Variants in EDRF1 observed in about 807,000 individuals in gnomAD.
EDRF1 encodes erythroid differentiation-related factor 1.
A neutral mutation model predicts 148.7 loss-of-function variants in EDRF1; 69 were observed. That is an observed-to-expected ratio of 0.46 (90% confidence interval 0.38 to 0.57). The LOEUF is 0.57. Ranked by LOEUF, EDRF1 falls within the 20% of genes least tolerant of loss-of-function variation. EDRF1 has a pLI of 0.00. For synonymous variants in EDRF1, 515 were observed against 532.8 expected, an observed-to-expected ratio of 0.97 and a Z score of 0.46; for missense variants, 1,118 against 1,478.7, an observed-to-expected ratio of 0.76 and a Z score of 4.00.
chr10:125,753,959 C>CAAAA, intron 24 of EDRF1, 114 bp downstream of exon 24: 1 of 1,154,266 alleles, frequency 8.7e-7, no homozygotes, highest in African/African-American at 1.5e-5. Flanking sequence ...CTCACACCTG[C>CAAAA]AATCCCAGCA....
intron 1 of EDRF1, 66 bp downstream of exon 1, chr10:125,719,981 G>T (rs1020411684): frequency 1.2e-4 from 175 of 1,437,736 alleles, no homozygotes; most frequent in Non-Finnish European, 3.3e-5. Flanking sequence ...CACCGGGGAG[G>T]GATGCCACGG....
At position 125,747,310 on chromosome 10, in the gene EDRF1, C is replaced by T. The variant is rs982306026; in HGVS notation, c.2815-226C>T. On this transcript the variant is annotated intron_variant, in intron 19 of 24. Transcript: ENST00000356792. ...AGCAGCACGGATTGGCTTCTTGTAG[C>T]CTTGAGATGGGAACACAGAGTGGTC... 3.7e-5 allele frequency: 21 copies of T among 562,526 alleles called. 1 individual carries two copies. In the African/African-American group the frequency reaches 3.8e-4, roughly 10 times the overall value. 34.8% of individuals were successfully genotyped at this position (562,526 alleles called of 1,614,324 possible). A position where few individuals can be genotyped will look rare whatever the true frequency, so the allele number is the denominator to read the frequency against.
Position 125,729,310 on chromosome 10 carries a change from A to G in EDRF1, c.895-48A>G, listed in dbSNP as rs751910541. 18 of 1,604,854 alleles carry G rather than the reference A, an allele frequency of 1.1e-5. No homozygotes were observed. The Admixed American group carries it at 2.0e-4, about 18-fold the overall frequency. The stretch of plus-strand genomic sequence containing the variant: ...AGTCTTTTTATGGATCATGGGGGGA[A>G]ATTACAGATTGACTGTTTATTATAA... On this transcript the variant is annotated intron_variant, in intron 7 of 24. Coordinates refer to ENST00000356792, the MANE Select transcript of EDRF1 (RefSeq NM_001202438.2).
At chr10:125,723,301 A>G (rs1300620098) in intron 3 of EDRF1, among the ~76,000 whole-genome samples, 167 bp downstream of exon 3, 1 of 152,196 alleles carries the variant, frequency 6.6e-6, no homozygotes, top group Non-Finnish European at 1.5e-5. Flanking sequence ...TTAAAGTATC[A>G]TTGTTTACCA....
Position 125,725,824 on chromosome 10 carries a change from A to G in EDRF1, c.778A>G (p.Ser260Gly). ...GCCTTCTTCAGTTTCTGAAGATCCC[A>G]GTGCTTCCAGTCAGGTTAGTACTTA... ...EMPSSVSEDP[S>G]ASSQGSEPLE... Residue 260 changes from serine (S) to glycine (G), a missense_variant, in exon 6 of 25, where the codon AGT becomes GGT. By Grantham distance (56) the Ser-to-Gly change is moderately conservative (BLOSUM62 0). Transcript: ENST00000356792. 5 of 1,613,628 alleles carry G rather than the reference A, an allele frequency of 3.1e-6. No individual in the cohort carries two copies. The highest frequency in any genetic ancestry group is 4.2e-6 in the Non-Finnish European group (5 of 1,179,988).
chr10:125,752,869 C>T lies in EDRF1; in HGVS notation c.3348C>T (p.His1116=), dbSNP rs762626602. The T allele has an allele frequency of 1.4e-5, 23 of 1,613,838 alleles. No individual in the cohort carries two copies. The highest frequency in any genetic ancestry group is 1.5e-5 in the Non-Finnish European group (18 of 1,179,962). The part of the protein sequence containing the change: ...GALDIMVRTE[H]AFQLIQKELI... Reference sequence around the variant, plus strand: ...TTGATATAATGGTGAGAACTGAGCACGCATTCCAGCTTATCCAGAAGGAGC... The same window carrying T: ...TTGATATAATGGTGAGAACTGAGCATGCATTCCAGCTTATCCAGAAGGAGC... Residue 1116 remains histidine (H), a synonymous_variant, in exon 23 of 25, where the codon CAC becomes CAT. Transcript: ENST00000356792.
At chr10:125,758,863 C>G (rs1850052980) in intron 24 of EDRF1, among the ~76,000 whole-genome samples, 1 of 152,162 alleles carries the variant, frequency 6.6e-6, no homozygotes, top group Non-Finnish European at 1.5e-5. Context: ...GTCCCTGAGT[C>G]TCAGGACTGT....
intron 6 of EDRF1, among the ~76,000 whole-genome samples, chr10:125,726,736 AATTT>A (rs1254202117): frequency 6.6e-6 from 1 of 152,242 alleles, no homozygotes; most frequent in Non-Finnish European, 1.5e-5. Flanking sequence ...AATGAATTTA[AATTT>A]CTTTCAAAAG....
chr10:125,725,088 G>A (rs547718859), intron 4 of EDRF1, among the ~76,000 whole-genome samples: 19 of 152,266 alleles, frequency 1.2e-4, no homozygotes, highest in Admixed American at 1.2e-3. Context: ...ATGTTATAGA[G>A]AAGACTCACC....
chr10:125,761,800 A>G (rs1366088310), intron 24 of EDRF1, among the ~76,000 whole-genome samples: 1 of 152,350 alleles, frequency 6.6e-6, no homozygotes, highest in East Asian at 1.9e-4. Flanking sequence ...GCACCCAACT[A>G]TTAATAAAAT....
In EDRF1 at chr10:125,738,349, G is replaced by T. The variant is rs1359017995; in HGVS notation, c.1885G>T (p.Asp629Tyr). 4 of 1,614,098 alleles carry T rather than the reference G, an allele frequency of 2.5e-6. No individual in the cohort carries two copies. Among genetic ancestry groups the T allele is most frequent in the African/African-American group, 2.7e-5 (2 of 75,012 alleles). Residue 629 changes from aspartate to tyrosine, a missense_variant, in exon 15 of 25, where the codon GAC (aspartate) becomes TAC (tyrosine). By Grantham distance (160) the Asp-to-Tyr change is radical. Transcript: ENST00000356792. The stretch of plus-strand genomic sequence containing the variant: ...AAAAGAAAGCGACCTTCCAGCAGCT[G>T]ACCCCAGCACTCCAATCCCGTTAAA... ...IKKESDLPAA[D>Y]PSTPIPLKYE... is the part of the protein sequence containing the mutation.
intron 24 of EDRF1, among the ~76,000 whole-genome samples, chr10:125,762,037 T>C (rs1249391375): frequency 6.6e-6 from 1 of 152,092 alleles, no homozygotes; most frequent in East Asian, 1.9e-4. Context: ...ACTGTGGTTG[T>C]TGGGGGAAGG....
intron 1 of EDRF1, among the ~76,000 whole-genome samples, chr10:125,720,810 CAAAA>C (rs34319808): frequency 1.7e-4 from 22 of 131,788 alleles, no homozygotes; most frequent in South Asian, 2.4e-4. Context: ...GACTGCGTCT[CAAAA>C]AAAAAAAAAA....
chr10:125,742,713 C>G (rs1849094724), intron 17 of EDRF1: 1 of 984,756 alleles, frequency 1.0e-6, no homozygotes. Context: ...ATTTCAAGAA[C>G]TATTTCCATT....
intron 22 of EDRF1, among the ~76,000 whole-genome samples, chr10:125,750,912 GA>G (rs1308346082): frequency 6.6e-6 from 1 of 152,080 alleles, no homozygotes; most frequent in East Asian, 1.9e-4. Context: ...GAATTCCTTA[GA>G]ATGATCAAGC....
In EDRF1 at chr10:125,740,649, A is replaced by G; in HGVS notation, c.2168A>G (p.His723Arg). ...LRYIKLALQS[H>R]DTYCCLCTNM... ...TACATTAAATTAGCTTTGCAAAGCCATGGTAAGCCACTATAAATGAATATG... is the reference window on the plus strand; with the variant it reads ...TACATTAAATTAGCTTTGCAAAGCCGTGGTAAGCCACTATAAATGAATATG... Residue 723 changes from histidine to arginine, a missense_variant and splice_region_variant, in exon 16 of 25, where the codon CAT (histidine) becomes CGT (arginine). Transcript: ENST00000356792. 1.2e-6 allele frequency: 2 copies of G among 1,613,188 alleles called. No homozygotes were observed. The highest frequency in any genetic ancestry group is 1.7e-6 in the Non-Finnish European group (2 of 1,179,888).
intron 22 of EDRF1, chr10:125,750,431 C>A (rs1258706819): frequency 6.6e-6 from 1 of 152,270 alleles, no homozygotes; most frequent in Non-Finnish European, 1.5e-5. Context: ...CCCTCTCTCT[C>A]TTGCTCACCT....
intron 3 of EDRF1, among the ~76,000 whole-genome samples, 191 bp from the exon 4 acceptor site, chr10:125,723,620 T>C (rs1848110322): frequency 6.6e-6 from 1 of 152,160 alleles, no homozygotes; most frequent in Non-Finnish European, 1.5e-5. Context: ...ACTCATAAAG[T>C]GTACGTGATT....
intron 6 of EDRF1, among the ~76,000 whole-genome samples, chr10:125,728,548 ACT>A (rs1848364960): frequency 1.3e-5 from 2 of 151,826 alleles, no homozygotes; most frequent in African/African-American, 4.8e-5. Context: ...TAAGAGACAG[ACT>A]CTCATTATGT....
Sources: allele counts gnomAD v4.1 joint callset (sites outside exome capture counted in the v4.1 genomes callset), GRCh38; gene constraint gnomAD v4.1.1; transcripts MANE v1.5; gene names NCBI Gene and HGNC (gene_info 2026-07-23, HGNC 2026-07-21).